Variants in RPF2 observed in about 807,000 individuals in gnomAD.
The protein encoded by RPF2 is brix domain containing 1.
A neutral mutation model predicts 38.9 loss-of-function variants in RPF2; 21 were observed. The observed-to-expected ratio is 0.54, with a 90% CI of 0.38 to 0.78. The LOEUF (loss-of-function observed/expected upper bound fraction) is 0.78, where lower values mean the gene tolerates loss of function less well. Among genes scored for constraint, RPF2 ranks in the 30% least tolerant of loss-of-function variants. The pLI is 0.00. For synonymous variants in RPF2, 121 were observed against 126.2 expected (o/e 0.96, Z 0.28); for missense variants, 314 against 358.1 (o/e 0.88, Z 0.99).
At chr6:110,989,654 T>G (rs1326388152) in intron 3 of RPF2, among the ~76,000 whole-genome samples, 3 of 134,284 alleles carry the variant, frequency 2.2e-5, no homozygotes, top group Non-Finnish European at 4.7e-5. Flanking sequence ...TGAGACGGAG[T>G]CTAGCTTTGT....
chr6:111,003,862 G>T (rs977926378), intron 6 of RPF2, among the ~76,000 whole-genome samples: 2 of 152,136 alleles, frequency 1.3e-5, no homozygotes, highest in Non-Finnish European at 2.9e-5. Flanking sequence ...GCCCAGACTG[G>T]AGTGCAATGG....
At chr6:110,982,425 G>A in intron 1 of RPF2, 1 of 477,140 alleles carries the variant, frequency 2.1e-6, no homozygotes, top group Non-Finnish European at 3.8e-6. Flanking sequence ...TGGTATAGTG[G>A]GGTTAGGAGC....
intron 4 of RPF2, among the ~76,000 whole-genome samples, chr6:110,992,403 G>GT (rs1287883755): frequency 6.6e-6 from 1 of 150,952 alleles, no homozygotes; most frequent in African/African-American, 2.4e-5. Flanking sequence ...TATAAAGCAA[G>GT]TTTGAGTTTT....
chr6:111,018,862 A>G (rs1431911171), intron 8 of RPF2, among the ~76,000 whole-genome samples: 1 of 152,194 alleles, frequency 6.6e-6, no homozygotes, highest in Non-Finnish European at 1.5e-5. Flanking sequence ...GTATTATACT[A>G]TACAGTAGAT....
chr6:111,017,689 C>T (rs1199889013), intron 8 of RPF2, among the ~76,000 whole-genome samples: 272 of 141,196 alleles, frequency 1.9e-3, no homozygotes, highest in East Asian at 9.5e-3. Flanking sequence ...ACTTCCTAGA[C>T]GGGATGGCGG....
chr6:110,993,454 T>G (rs1239978747), intron 4 of RPF2, among the ~76,000 whole-genome samples: 2 of 152,212 alleles, frequency 1.3e-5, no homozygotes, highest in African/African-American at 4.8e-5. Context: ...CAAATTACTT[T>G]TATTTGTCTC....
At chr6:111,014,901 C>G (rs1421452597) in intron 7 of RPF2, among the ~76,000 whole-genome samples, 1 of 152,162 alleles carries the variant, frequency 6.6e-6, no homozygotes, top group East Asian at 1.9e-4. Flanking sequence ...CAGCAATCCT[C>G]CCACCTTAGC....
At chr6:110,983,797 G>A (rs1056149641) in intron 1 of RPF2, among the ~76,000 whole-genome samples, 1 of 139,184 alleles carries the variant, frequency 7.2e-6, no homozygotes, top group Non-Finnish European at 1.5e-5. Flanking sequence ...AGGCTGAGGC[G>A]GGGGGGTGGG....
intron 3 of RPF2, among the ~76,000 whole-genome samples, chr6:110,991,529 C>T (rs1416715584): frequency 6.6e-6 from 1 of 151,938 alleles, no homozygotes; most frequent in Non-Finnish European, 1.5e-5. Flanking sequence ...TTCCACGAGC[C>T]TATAAACTCC....
chr6:111,023,686 A>G (rs769407113), intron 8 of RPF2, among the ~76,000 whole-genome samples: 1 of 152,104 alleles, frequency 6.6e-6, no homozygotes, highest in African/African-American at 2.4e-5. Context: ...TCAAAAAGGG[A>G]TAAAAGACTT....
At chr6:110,989,629 T>G (rs986929144) in intron 3 of RPF2, among the ~76,000 whole-genome samples, 14 of 126,374 alleles carry the variant, frequency 1.1e-4, no homozygotes, top group Admixed American at 3.7e-4. Context: ...TTTGTGTGGT[T>G]TTTTTTTTTT....
chr6:111,017,889 C>T (rs529597957), intron 8 of RPF2, among the ~76,000 whole-genome samples: 67 of 151,208 alleles, frequency 4.4e-4, no homozygotes, highest in African/African-American at 1.3e-3. Flanking sequence ...TGTAGCTAGC[C>T]GAGATCACGC....
rs1279960788 is a variant in RPF2, at chr6:111,024,113, CA to C, written c.597-64del. On this transcript the variant is annotated intron_variant, in intron 8 of 9. Transcript: ENST00000441448. ...TTAATGGAATTGTAAATCCCCTGAA[CA>C]AAAAATATTTGGTGGAGAGGACTTT... 4.5e-5 allele frequency: 61 copies of C among 1,368,680 alleles called. No homozygotes were observed. In the South Asian group the frequency reaches 5.9e-4, roughly 13 times the overall value. The allele number at this position is 1,368,680 out of a possible 1,614,324, so 84.8% of individuals were successfully genotyped here.
At chr6:110,992,352 A>G (rs1311262427) in intron 4 of RPF2, among the ~76,000 whole-genome samples, 7 of 152,170 alleles carry the variant, frequency 4.6e-5, no homozygotes, top group Non-Finnish European at 1.0e-4. Context: ...TTTAAAGGAC[A>G]TAATGAATTT....
chr6:111,020,931 A>G (rs1772221267), intron 8 of RPF2, among the ~76,000 whole-genome samples: 1 of 152,094 alleles, frequency 6.6e-6, no homozygotes, highest in African/African-American at 2.4e-5. Flanking sequence ...GCCCTTTGGG[A>G]GACTGAGGTG....
At chr6:111,016,607 C>CAAA (rs138978922) in intron 8 of RPF2, among the ~76,000 whole-genome samples, 1 of 143,046 alleles carries the variant, frequency 7.0e-6, no homozygotes, top group Non-Finnish European at 1.5e-5. Flanking sequence ...AAACAAAAAA[C>CAAA]AAAAAACTCT....
At chr6:111,000,999 T>C (rs1771803995) in intron 6 of RPF2, among the ~76,000 whole-genome samples, 1 of 152,214 alleles carries the variant, frequency 6.6e-6, no homozygotes. Flanking sequence ...GGACATGCTT[T>C]CCAGGTTTGG....
intron 8 of RPF2, among the ~76,000 whole-genome samples, chr6:111,017,051 A>G (rs1182265794): frequency 6.6e-6 from 1 of 152,244 alleles, no homozygotes; most frequent in East Asian, 1.9e-4. Flanking sequence ...TTCTTAGTAT[A>G]GAACAAAATG....
At chr6:110,986,504 G>A (rs1237297954) in intron 2 of RPF2, among the ~76,000 whole-genome samples, 2 of 152,188 alleles carry the variant, frequency 1.3e-5, no homozygotes, top group African/African-American at 2.4e-5. Flanking sequence ...TGTATCAAGC[G>A]GAGCAGGTTT....
Sources: gnomAD v4.1 joint callset for allele counts (sites outside exome capture counted in the v4.1 genomes callset) on GRCh38, gnomAD v4.1.1 for gene constraint, MANE v1.5 for transcripts, NCBI Gene and HGNC (gene_info 2026-07-23, HGNC 2026-07-21) for gene names.